The following STAG1 variants were observed in gnomAD, a reference collection of about 807,000 sequenced individuals.
STAG1 encodes STAG1 cohesin complex component.
In STAG1, 26 loss-of-function variants were observed where a neutral mutation model predicts 170.9. The ratio of observed to expected loss-of-function variants is 0.15; its 90% CI spans 0.11 to 0.21. The LOEUF (loss-of-function observed/expected upper bound fraction) is 0.21, where lower values mean the gene tolerates loss of function less well. Among genes scored for constraint, STAG1 ranks in the 10% least tolerant of loss-of-function variants. STAG1 has a pLI of 1.00. For synonymous variants in STAG1, 514 were observed against 497.7 expected, an observed-to-expected ratio of 1.03 and a Z score of -0.44; for missense variants, 964 against 1,509.5, an observed-to-expected ratio of 0.64 and a Z score of 5.99.
intron 1 of STAG1, among the ~76,000 whole-genome samples, chr3:136,676,268 C>T (rs1238638395): frequency 6.6e-6 from 1 of 152,182 alleles, no homozygotes; most frequent in Non-Finnish European, 1.5e-5. Context: ...GTAGACTTTA[C>T]AGACACTGAA....
At chr3:136,662,174 T>TG (rs1941606321) in intron 1 of STAG1, among the ~76,000 whole-genome samples, 1 of 148,868 alleles carries the variant, frequency 6.7e-6, no homozygotes, top group African/African-American at 2.5e-5. Context: ...TTTTTGGAGA[T>TG]GGAGTCTTGC....
At chr3:136,674,157 G>A (rs1284359978) in intron 1 of STAG1, among the ~76,000 whole-genome samples, 651 of 32,966 alleles carry the variant, frequency 0.02, 18 homozygotes, top group African/African-American at 0.073. Context: ...GAGGGAGAGA[G>A]GGAGGGAGGG....
At chr3:136,372,790 G>C (rs1303910766) in intron 23 of STAG1, among the ~76,000 whole-genome samples, 1 of 152,146 alleles carries the variant, frequency 6.6e-6, no homozygotes, top group Non-Finnish European at 1.5e-5. Context: ...GTTCATCAGG[G>C]ATATTGGTCT....
chr3:136,597,632 A>C (rs1214082340), intron 4 of STAG1, among the ~76,000 whole-genome samples: 1 of 152,210 alleles, frequency 6.6e-6, no homozygotes, highest in Non-Finnish European at 1.5e-5. Flanking sequence ...AATGCCATAC[A>C]GAAAAGGCTA....
chr3:136,589,628 C>CAA (rs71626007), intron 4 of STAG1, among the ~76,000 whole-genome samples: 941 of 46,072 alleles, frequency 0.02, 35 homozygotes, highest in African/African-American at 0.057. Flanking sequence ...CAAAGGGAGC[C>CAA]AAAAAAAAAA....
chr3:136,527,340 A>T (rs560983026), intron 6 of STAG1, among the ~76,000 whole-genome samples: 1 of 152,200 alleles, frequency 6.6e-6, no homozygotes, highest in East Asian at 1.9e-4. Context: ...CATTTCATTC[A>T]TTTGATCTTC....
At chr3:136,705,378 A>AACACACAC (rs3066789) in intron 1 of STAG1, among the ~76,000 whole-genome samples, 14 of 143,302 alleles carry the variant, frequency 9.8e-5, no homozygotes, top group South Asian at 4.7e-4. Context: ...ATGATCATCA[A>AACACACAC]ACACACACAC....
At chr3:136,682,957 A>G (rs1232442998) in intron 1 of STAG1, among the ~76,000 whole-genome samples, 2 of 152,160 alleles carry the variant, frequency 1.3e-5, no homozygotes, top group African/African-American at 2.4e-5. Context: ...ATTCTGACAC[A>G]TGCTACAGTA....
chr3:136,341,971 T>C (rs949609160), intron 30 of STAG1, among the ~76,000 whole-genome samples: 2 of 152,134 alleles, frequency 1.3e-5, no homozygotes, highest in African/African-American at 4.8e-5. Context: ...TCTGCACTTG[T>C]ACTCTAAACT....
rs568424626 is a variant in STAG1, at chr3:136,457,336, G to A, written c.1314-5189C>T. 2.6e-5 allele frequency among the ~76,000 whole-genome samples: 4 copies of A among 152,160 alleles called. No homozygotes were observed. The South Asian group carries it at 8.3e-4, about 32-fold the overall frequency. ...GTAAACATGTTCTCCATTATCTCAAGCAGCAGAGCATATTTTATATGCATC... is the reference window on the plus strand; with the variant it reads ...GTAAACATGTTCTCCATTATCTCAAACAGCAGAGCATATTTTATATGCATC... On this transcript the variant is annotated intron_variant, in intron 13 of 33. Transcript: ENST00000383202.
chr3:136,431,663 C>T (rs1247281403), intron 16 of STAG1, among the ~76,000 whole-genome samples: 1 of 152,132 alleles, frequency 6.6e-6, no homozygotes, highest in African/African-American at 2.4e-5. Context: ...TTTTTTACAC[C>T]TTCATCTTTG....
intron 32 of STAG1, among the ~76,000 whole-genome samples, chr3:136,339,378 C>T (rs982533054): frequency 4.6e-5 from 7 of 152,122 alleles, no homozygotes; most frequent in Admixed American, 2.0e-4. Flanking sequence ...TAAAAATTAA[C>T]TGGGTATGGT....
At position 136,542,042 on chromosome 3, in the gene STAG1, C is replaced by T. The variant is rs945580066; in HGVS notation, c.471+77G>A. 19 of 1,134,712 alleles carry T rather than the reference C, an allele frequency of 1.7e-5. No individual in the cohort carries two copies. In the African/African-American group the frequency reaches 2.6e-4, roughly 16 times the overall value. The allele number at this position is 1,134,712 out of a possible 1,614,324, so 70.3% of individuals were successfully genotyped here. A position where few individuals can be genotyped will look rare whatever the true frequency, so the allele number is the denominator to read the frequency against. On this transcript the variant is annotated intron_variant, in intron 6 of 33. Transcript: ENST00000383202. ...AGTTACACTAAACATCAAATCAAAACAAAACCTGAGATAATCAACATATTC... is the reference window on the plus strand; with the variant it reads ...AGTTACACTAAACATCAAATCAAAATAAAACCTGAGATAATCAACATATTC...
intron 1 of STAG1, among the ~76,000 whole-genome samples, chr3:136,634,727 T>A (rs1184054115): frequency 1.3e-5 from 2 of 150,586 alleles, no homozygotes; most frequent in African/African-American, 4.9e-5. Flanking sequence ...AGTGCACAGA[T>A]AAACTATATT....
At position 136,357,787 on chromosome 3, in the gene STAG1, T is replaced by G; in HGVS notation, c.2998A>C (p.Asn1000His). 1.9e-6 allele frequency: 3 copies of G among 1,606,632 alleles called. No individual in the cohort carries two copies. The highest frequency in any genetic ancestry group is 2.2e-5 in the South Asian group (2 of 89,200). Residue 1000 changes from asparagine to histidine, a missense_variant, in exon 28 of 34, where the codon AAT (asparagine) becomes CAT (histidine). By Grantham distance (68) the Asn-to-His change is moderately conservative. Transcript: ENST00000383202. ...CTTAGTACTTCAAGAAAAGCCAGAT[T>G]AGGAGGTGGATACTCTTGTCCTTTC... ...NQKGQEYPPP[N>H]LAFLEVLSEF...
intron 22 of STAG1, among the ~76,000 whole-genome samples, chr3:136,392,631 T>C (rs2087038450): frequency 6.6e-6 from 1 of 151,788 alleles, no homozygotes; most frequent in African/African-American, 2.4e-5. Flanking sequence ...CCAAGCGTGG[T>C]GGCATGCGCC....
intron 6 of STAG1, among the ~76,000 whole-genome samples, chr3:136,538,133 AT>A (rs1354604558): frequency 2.6e-5 from 4 of 152,214 alleles, no homozygotes; most frequent in Admixed American, 2.6e-4. Context: ...TGATCACAGT[AT>A]TTTGATCAGA....
In STAG1 at chr3:136,543,370, C is replaced by T. The variant is rs140925564; in HGVS notation, c.395-1175G>A. Among the ~76,000 whole-genome samples the T allele has an allele frequency of 4.6e-5, 7 of 152,216 alleles. No individual in the cohort carries two copies. In the East Asian group the frequency reaches 9.6e-4, roughly 21 times the overall value. The stretch of plus-strand genomic sequence containing the variant: ...TTATCAATATGCACTCAGTAGAAGG[C>T]AAGAATAAGAATCCTTAACACAAGT... On this transcript the variant is annotated intron_variant, in intron 5 of 33. Coordinates refer to ENST00000383202, the MANE Select transcript of STAG1 (RefSeq NM_005862.3).
At chr3:136,629,474 A>C (rs1940239364) in intron 2 of STAG1, among the ~76,000 whole-genome samples, 2 of 152,118 alleles carry the variant, frequency 1.3e-5, no homozygotes, top group South Asian at 4.1e-4. Flanking sequence ...TATGGTATTT[A>C]TACCATATTT....
Sources: allele counts gnomAD v4.1 joint callset (sites outside exome capture counted in the v4.1 genomes callset), GRCh38; gene constraint gnomAD v4.1.1; transcripts MANE v1.5; gene names NCBI Gene and HGNC (gene_info 2026-07-23, HGNC 2026-07-21).